Variants in PRKN observed in about 807,000 individuals in gnomAD.
PRKN encodes parkin RBR E3 ubiquitin protein ligase, also known as E3 ubiquitin-protein ligase parkin.
In PRKN, 56 loss-of-function variants were observed where a neutral mutation model predicts 59.5. That is an observed-to-expected ratio of 0.94 (90% CI 0.76 to 1.18). The LOEUF is 1.18. Among genes scored for constraint, PRKN ranks in the 50% most tolerant of loss-of-function variants. The pLI is 0.00. For synonymous variants in PRKN, 250 were observed against 222.1 expected (o/e 1.13, Z -1.12); for missense variants, 657 against 596.4 (o/e 1.10, Z -1.06).
intron 4 of PRKN, among the ~76,000 whole-genome samples, chr6:162,080,810 T>A (rs1779026930): frequency 6.6e-6 from 1 of 152,096 alleles, no homozygotes; most frequent in Non-Finnish European, 1.5e-5. Context: ...CTCTGTAGCA[T>A]GTCATTCTGT....
chr6:162,661,860 G>A (rs184624133), intron 1 of PRKN, among the ~76,000 whole-genome samples: 193 of 152,240 alleles, frequency 1.3e-3, no homozygotes, highest in Admixed American at 4.1e-3. Context: ...GGATACAAGT[G>A]CAGGTTTCTT....
rs553464374 is a variant in PRKN at position 161,949,282 on chromosome 6, C to G, written c.734+24020G>C. Among the ~76,000 whole-genome samples the G allele has an allele frequency of 3.1e-3, 468 of 152,252 alleles. 3 individuals carry two copies. Among genetic ancestry groups the G allele is most frequent in the Middle Eastern group, 0.014 (4 of 294 alleles). On this transcript the variant is annotated intron_variant, in intron 6 of 11. Transcript: ENST00000366898. ...ATCCCAGCACTTTGGGAGGCCGAGG[C>G]GGGTGGATCACCTGAGGTCAGAGTT...
intron 7 of PRKN, among the ~76,000 whole-genome samples, chr6:161,746,449 C>T (rs1486325253): frequency 6.6e-6 from 1 of 151,506 alleles, no homozygotes; most frequent in Non-Finnish European, 1.5e-5. Context: ...AAGCCTAATG[C>T]TCAAACAGAC....
At chr6:161,703,623 T>C (rs1157748174) in intron 7 of PRKN, among the ~76,000 whole-genome samples, 1 of 152,168 alleles carries the variant, frequency 6.6e-6, no homozygotes, top group Non-Finnish European at 1.5e-5. Context: ...AGCTCTCATG[T>C]TGACTTTTCA....
At chr6:161,958,121 G>A (rs545884802) in intron 6 of PRKN, among the ~76,000 whole-genome samples, 1 of 152,306 alleles carries the variant, frequency 6.6e-6, no homozygotes, top group East Asian at 1.9e-4. Flanking sequence ...AGCTTAGGAT[G>A]CTAATATTGG....
intron 1 of PRKN, among the ~76,000 whole-genome samples, chr6:162,697,839 GT>G (rs1208110528): frequency 2.6e-5 from 4 of 152,204 alleles, no homozygotes; most frequent in Admixed American, 1.3e-4. Context: ...TACTTCATTA[GT>G]AAAAAAAGTA....
Position 161,502,996 on chromosome 6 carries a change from T to C in PRKN, c.1083+45858A>G, listed in dbSNP as rs767296978. 3.3e-5 allele frequency among the ~76,000 whole-genome samples: 5 copies of C among 152,234 alleles called. No individual in the cohort carries two copies. The highest frequency in any genetic ancestry group is 1.2e-4 in the African/African-American group (5 of 41,454). ...GGCAAGGATTGAGTTAGATGATACA[T>C]ATCCAATGTTAAGCACCATGTCTGA... On this transcript the variant is annotated intron_variant, in intron 9 of 11. Coordinates refer to ENST00000366898, the MANE Select transcript of PRKN (RefSeq NM_004562.3). This position sits in a 1 kb window ranked among gnomAD's most constrained non-coding sequence, Gnocchi z 4.0.
intron 3 of PRKN, among the ~76,000 whole-genome samples, chr6:162,249,543 A>T (rs1041744632): frequency 1.3e-5 from 2 of 152,174 alleles, no homozygotes; most frequent in African/African-American, 4.8e-5. Flanking sequence ...AATTCATCCC[A>T]ATTTATATAT....
rs533414536 is a variant in PRKN, at chr6:162,010,263, T to A, written c.619-36846A>T. Among the ~76,000 whole-genome samples the A allele has an allele frequency of 2.2e-3, 282 of 129,632 alleles. 8 individuals carry two copies. Among genetic ancestry groups the A allele is most frequent in the African/African-American group, 7.8e-3 (269 of 34,284 alleles). The allele number at this position is 129,632 out of a possible 152,430, so 85.0% of individuals were successfully genotyped here. On this transcript the variant is annotated intron_variant, in intron 5 of 11. Transcript: ENST00000366898. ...ATATTTATTATACATAATATATATT[T>A]TATATATATTATGTATGATAAATAT...
rs368253350 is a variant in PRKN, at chr6:161,350,091, C to T, written c.*8G>A. Reference sequence around the variant, plus strand: ...AGGATGTGGCGATGGGGCGCCCGGCCGCCCTGGCTACACGTCGAACCAGTG... The same window carrying T: ...AGGATGTGGCGATGGGGCGCCCGGCTGCCCTGGCTACACGTCGAACCAGTG... On this transcript the variant is annotated 3_prime_UTR_variant, in exon 12 of 12. Coordinates refer to ENST00000366898, the MANE Select transcript of PRKN (RefSeq NM_004562.3). The T allele has an allele frequency of 1.1e-5, 17 of 1,599,440 alleles. 1 individual carries two copies. The highest frequency in any genetic ancestry group is 3.3e-5 in the South Asian group (3 of 90,706).
Position 161,357,074 on chromosome 6 carries a change from C to CA in PRKN, c.1285+3013dup, listed in dbSNP as rs1428940978. Among the ~76,000 whole-genome samples, 2 of 111,010 alleles carry CA rather than the reference C, an allele frequency of 1.8e-5. No homozygotes were observed. The highest frequency in any genetic ancestry group is 7.4e-5 in the African/African-American group (2 of 26,868). 72.8% of individuals were successfully genotyped at this position (111,010 alleles called of 152,430 possible). A position where few individuals can be genotyped will look rare whatever the true frequency, so the allele number is the denominator to read the frequency against. On this transcript the variant is annotated intron_variant, in intron 11 of 11. Transcript: ENST00000366898. This position sits in a 1 kb window ranked among gnomAD's most constrained non-coding sequence, Gnocchi z 5.5. ...TTTTTTTTTTTTTTTTTTTTTGAGA[C>CA]AGAGTCTTGCTCTGTCACTCAGGCT... is the stretch of plus-strand genomic sequence containing the variant.
chr6:162,051,809 G>T (rs1777657808), intron 5 of PRKN, among the ~76,000 whole-genome samples: 1 of 152,150 alleles, frequency 6.6e-6, no homozygotes, highest in Non-Finnish European at 1.5e-5. Context: ...AATCCAGACT[G>T]TCCTGTGCAC....
At chr6:162,640,963 C>T (rs527750729) in intron 1 of PRKN, among the ~76,000 whole-genome samples, 2 of 152,250 alleles carry the variant, frequency 1.3e-5, no homozygotes, top group South Asian at 4.2e-4. Flanking sequence ...ATTATCACAG[C>T]AGGCAAGAGT....
At chr6:161,978,320 G>A (rs989920623) in intron 5 of PRKN, among the ~76,000 whole-genome samples, 1 of 152,136 alleles carries the variant, frequency 6.6e-6, no homozygotes, top group African/African-American at 2.4e-5. Context: ...AAAGTGCTGG[G>A]ATTACAGGTG....
intron 7 of PRKN, among the ~76,000 whole-genome samples, chr6:161,569,969 C>A (rs57919054): frequency 0.06 from 9,165 of 151,570 alleles, 312 homozygotes; most frequent in African/African-American, 0.088. Flanking sequence ...TTAGATCTTG[C>A]GTTTGAGTTT....
rs544904284 is a variant in PRKN, at chr6:162,418,583, C to T, written c.171+24727G>A. On this transcript the variant is annotated intron_variant, in intron 2 of 11. Transcript: ENST00000366898. ...CCTGGAGCTTCAGATGTAGGCTCCA[C>T]GAAAAAGTGATGAAGAGAGAGGGAC... 5.8e-5 allele frequency among the ~76,000 whole-genome samples: 8 copies of T among 138,422 alleles called. No individual in the cohort carries two copies. In the South Asian group the frequency reaches 1.2e-3, roughly 21 times the overall value. The allele number at this position is 138,422 out of a possible 152,430, so 90.8% of individuals were successfully genotyped here.
intron 7 of PRKN, among the ~76,000 whole-genome samples, chr6:161,733,203 A>G (rs1476479988): frequency 1.3e-5 from 2 of 152,212 alleles, no homozygotes; most frequent in Non-Finnish European, 2.9e-5. Flanking sequence ...ATTTAGGACA[A>G]TATGGATTTT....
intron 7 of PRKN, among the ~76,000 whole-genome samples, chr6:161,641,965 A>T (rs1158030208): frequency 6.6e-6 from 1 of 152,206 alleles, no homozygotes; most frequent in Non-Finnish European, 1.5e-5. Context: ...GAGTTTACAT[A>T]CTTCTTTTCC....
Position 162,680,355 on chromosome 6 carries a change from T to C in PRKN, c.7+47307A>G, listed in dbSNP as rs1190236106. Among the ~76,000 whole-genome samples, 15 of 150,940 alleles carry C rather than the reference T, an allele frequency of 9.9e-5. 1 individual carries two copies. The highest frequency in any genetic ancestry group is 2.2e-4 in the Non-Finnish European group (15 of 67,788). ...TATGTACTGTATGTGTGTGTATATA[T>C]ATATTTAATATTTGAGAAACAAATT... On this transcript the variant is annotated intron_variant, in intron 1 of 11. Transcript: ENST00000366898.
Sources: gnomAD v4.1 joint callset for allele counts (sites outside exome capture counted in the v4.1 genomes callset) on GRCh38, gnomAD v4.1.1 for gene constraint, Gnocchi (gnomAD v3.1) non-coding constraint, MANE v1.5 for transcripts, NCBI Gene and HGNC (gene_info 2026-07-23, HGNC 2026-07-21) for gene names.